COX18: variants seen among roughly 807,000 people sequenced by gnomAD.
COX18 encodes the protein cytochrome c oxidase assembly factor COX18.
Under a neutral mutation model 38.0 loss-of-function variants are expected in COX18, and 45 were observed. That is an observed-to-expected ratio of 1.18 (90% confidence interval 0.93 to 1.52). The LOEUF is 1.52. COX18 is among the 40% of genes most tolerant of loss of function. The probability of loss-of-function intolerance (pLI) is 0.00; values close to 1 mark genes in which losing one functional copy is unlikely to be tolerated. For synonymous variants in COX18, 177 were observed against 169.8 expected (o/e 1.04, Z -0.33); for missense variants, 462 against 423.8 (o/e 1.09, Z -0.79).
chr4:73,068,300 C>T (rs1720573843), intron 1 of COX18, among the ~76,000 whole-genome samples, 171 bp from the exon 2 acceptor site: 1 of 152,158 alleles, frequency 6.6e-6, no homozygotes, highest in Non-Finnish European at 1.5e-5. Context: ...TCCTCAGTCA[C>T]AACCAAATTC....
chr4:73,066,273 A>G (rs1246713408), intron 2 of COX18, among the ~76,000 whole-genome samples: 2 of 152,230 alleles, frequency 1.3e-5, no homozygotes, highest in Non-Finnish European at 2.9e-5. Flanking sequence ...CCAACAAATC[A>G]GACTTCCGCA....
rs1286487744 is a variant in COX18 at position 73,058,272 on chromosome 4, A to G, written c.847T>C (p.Trp283Arg). Residue 283 changes from tryptophan to arginine, a missense_variant, in exon 6 of 6, where the codon TGG becomes CGG. Trp to Arg is a moderately radical substitution (Grantham distance 101). Coordinates refer to ENST00000507544, the MANE Select transcript of COX18 (RefSeq NM_001297732.2). ...AGGCCCACGAAGCTGGAGCATAACC[A>G]GTAGAGAACAATTGACTATAAAGAG... is the stretch of plus-strand genomic sequence containing the variant. Reference protein sequence around the residue: ...ATVPSSIVLYWLCSSFVGLSQ... With the variant: ...ATVPSSIVLYRLCSSFVGLSQ... 2 of 1,608,924 alleles carry G rather than the reference A, an allele frequency of 1.2e-6. No homozygotes were observed. The highest frequency in any genetic ancestry group is 1.7e-6 in the Non-Finnish European group (2 of 1,178,124).
At chr4:73,067,864 A>AAAAAATATATATAT in intron 2 of COX18, among the ~76,000 whole-genome samples, 165 bp downstream of exon 2, 337 of 19,862 alleles carry the variant, frequency 0.017, 43 homozygotes, top group Non-Finnish European at 0.035. Context: ...AAAAAAAAAA[A>AAAAAATATATATAT]ATATATATAT....
chr4:73,065,200 A>G, intron 3 of COX18, 50 bp downstream of exon 3: 1 of 1,217,950 alleles, frequency 8.2e-7, no homozygotes, highest in Non-Finnish European at 1.1e-6. Context: ...TTTTTTTAGT[A>G]CAAAGACAAT....
chr4:73,061,848 C>T lies in COX18; in HGVS notation c.796G>A (p.Val266Met). 3 of 1,613,634 alleles carry T rather than the reference C, an allele frequency of 1.9e-6. No individual in the cohort carries two copies. The highest frequency in any genetic ancestry group is 2.5e-6 in the Non-Finnish European group (3 of 1,179,644). Residue 266 changes from valine to methionine, a missense_variant, in exon 5 of 6, where the codon GTG (valine) becomes ATG (methionine). Val to Met is a conservative substitution (Grantham distance 21). Coordinates refer to ENST00000507544, the MANE Select transcript of COX18 (RefSeq NM_001297732.2). The stretch of plus-strand genomic sequence containing the variant: ...GTTGCAGCAATTGGTATCATCAACA[C>T]CGACATTGCACGGACAAAGTACGTA... ...YITYFVRAMS[V>M]LMIPIAATVP...
chr4:73,067,982 G>A (rs1577958984), intron 2 of COX18, 47 bp downstream of exon 2: 10 of 967,658 alleles, frequency 1.0e-5, no homozygotes, highest in Admixed American at 1.8e-5. Flanking sequence ...GTGTGTGTGT[G>A]TGTGTGTATG....
Position 73,065,365 on chromosome 4 carries a change from C to T in COX18, c.483G>A (p.Val161=). 1 of 1,613,752 alleles carries T rather than the reference C, an allele frequency of 6.2e-7. No individual in the cohort carries two copies. ...NMRRLISELY[V]RDNCHPFKAT... ...CTTTGAAAGGGTGGCAGTTATCTCG[C>T]ACATATAGCTCTGAAATTAGCCTCC... The change falls in exon 3 of 6, where the codon GTG becomes GTA. Residue 161 remains valine, a synonymous_variant. Coordinates refer to ENST00000507544, the MANE Select transcript of COX18 (RefSeq NM_001297732.2).
chr4:73,060,662 CCTG>C (rs1720108770), intron 5 of COX18, among the ~76,000 whole-genome samples: 1 of 152,024 alleles, frequency 6.6e-6, no homozygotes, highest in Non-Finnish European at 1.5e-5. Context: ...GGGTGGATCA[CCTG>C]GGTCAGGAGT....
In COX18 at chr4:73,053,232, C is replaced by G. The variant is rs1719789554; in HGVS notation, c.*4882G>C. 6.6e-6 allele frequency: 1 copy of G among 152,124 alleles called. No individual in the cohort carries two copies. Among genetic ancestry groups the G allele is most frequent in the Non-Finnish European group, 1.5e-5 (1 of 68,048 alleles). 9.4% of individuals were successfully genotyped at this position (152,124 alleles called of 1,614,324 possible). A position where few individuals can be genotyped will look rare whatever the true frequency, so the allele number is the denominator to read the frequency against. ...GATAAATCTAAGCACTGGCAGCCAGCCTTGGTATGTAACAAACCGCACTGC... is the reference window on the plus strand; with the variant it reads ...GATAAATCTAAGCACTGGCAGCCAGGCTTGGTATGTAACAAACCGCACTGC... On this transcript the variant is annotated 3_prime_UTR_variant, in exon 6 of 6. Transcript: ENST00000507544.
In COX18 at chr4:73,064,880, C is replaced by G. The variant is rs1560473909; in HGVS notation, c.621G>C (p.Gln207His). The change falls in exon 4 of 6, where the codon CAG becomes CAC. Residue 207 changes from glutamine to histidine, a missense_variant. Transcript: ENST00000507544. ...HSEAGFSVQE[Q>H]LATGGILWFP... is the part of the protein sequence containing the mutation. ...ACCACAGAATTCCACCAGTAGCTAA[C>G]TGTTCCTGAACAGAAAAACCTGCTA... The G allele has an allele frequency of 6.2e-7, 1 of 1,613,926 alleles. No individual in the cohort carries two copies.
chr4:73,063,430 G>A (rs925521880), intron 4 of COX18, among the ~76,000 whole-genome samples: 3 of 152,178 alleles, frequency 2.0e-5, no homozygotes, highest in Admixed American at 6.5e-5. Context: ...TCTCTCTGTC[G>A]CCCAGGCTAG....
chr4:73,068,843 T>C (rs1450158229), intron 1 of COX18, among the ~76,000 whole-genome samples: 1 of 152,044 alleles, frequency 6.6e-6, no homozygotes, highest in African/African-American at 2.4e-5. Flanking sequence ...CCAGACACAG[T>C]CTTAGTCGGG....
intron 5 of COX18, among the ~76,000 whole-genome samples, chr4:73,059,443 T>C (rs1720045232): frequency 6.6e-6 from 1 of 152,234 alleles, no homozygotes; most frequent in South Asian, 2.1e-4. Flanking sequence ...TGCAAGTATG[T>C]GGTCCACATT....
At chr4:73,067,146 T>C (rs1228571768) in intron 2 of COX18, among the ~76,000 whole-genome samples, 1 of 152,214 alleles carries the variant, frequency 6.6e-6, no homozygotes, top group African/African-American at 2.4e-5. Flanking sequence ...CTGCACAGAA[T>C]AACCACAAAG....
At position 73,064,885 on chromosome 4, in the gene COX18, C is replaced by G; in HGVS notation, c.616G>C (p.Glu206Gln). ...AHSEAGFSVQ[E>Q]QLATGGILWF... ...AGAATTCCACCAGTAGCTAACTGTT[C>G]CTGAACAGAAAAACCTGCTAAAACA... Residue 206 changes from glutamate (E) to glutamine (Q), a missense_variant, in exon 4 of 6, where the codon GAA becomes CAA. Glu to Gln is a conservative substitution (Grantham distance 29, BLOSUM62 2). Coordinates refer to ENST00000507544, the MANE Select transcript of COX18 (RefSeq NM_001297732.2). The G allele has an allele frequency of 6.2e-7, 1 of 1,613,630 alleles. No homozygotes were observed. Among genetic ancestry groups the G allele is most frequent in the Non-Finnish European group, 8.5e-7 (1 of 1,179,758 alleles).
rs1393127063 is a variant in COX18, at chr4:73,055,032, A to G, written c.*3082T>C. 6.6e-6 allele frequency: 1 copy of G among 152,270 alleles called. No homozygotes were observed. Among genetic ancestry groups the G allele is most frequent in the East Asian group, 1.9e-4 (1 of 5,200 alleles). The allele number at this position is 152,270 out of a possible 1,614,324, so 9.4% of individuals were successfully genotyped here. A position where few individuals can be genotyped will look rare whatever the true frequency, so the allele number is the denominator to read the frequency against. On this transcript the variant is annotated 3_prime_UTR_variant, in exon 6 of 6. Coordinates refer to ENST00000507544, the MANE Select transcript of COX18 (RefSeq NM_001297732.2). Reference sequence around the variant, plus strand: ...AGCAAAAGTGACAAACACAATGGGAAAAGGAGACTGATTTCCCTCATGCCA... The same window carrying G: ...AGCAAAAGTGACAAACACAATGGGAGAAGGAGACTGATTTCCCTCATGCCA...
rs947552931 is a variant in COX18 at position 73,069,165 on chromosome 4, G to C, written c.333+152C>G. The C allele has an allele frequency of 1.3e-5, 8 of 609,700 alleles. No individual in the cohort carries two copies. The African/African-American group carries it at 1.5e-4, about 11-fold the overall frequency. The allele number at this position is 609,700 out of a possible 1,614,324, so 37.8% of individuals were successfully genotyped here. ...TAATGCTAGTTCAATTTTTTTTAAC[G>C]CTAAAATGGTCACAATGAAATGGTC... On this transcript the variant is annotated intron_variant, in intron 1 of 5. Transcript: ENST00000507544.
chr4:73,067,592 A>T (rs1332531246), intron 2 of COX18, among the ~76,000 whole-genome samples: 1 of 151,936 alleles, frequency 6.6e-6, no homozygotes, highest in African/African-American at 2.4e-5. Context: ...CTGTAATCCC[A>T]GCACTTTGGG....
Position 73,052,441 on chromosome 4 carries a change from G to A in COX18, c.*5673C>T, listed in dbSNP as rs535032588. On this transcript the variant is annotated 3_prime_UTR_variant, in exon 6 of 6. Coordinates refer to ENST00000507544, the MANE Select transcript of COX18 (RefSeq NM_001297732.2). ...TGTATACACAGTACAGAACCACAGC[G>A]TTCCAGAAACTTTTGGGTAAATAAA... is the stretch of plus-strand genomic sequence containing the variant. 2 of 151,978 alleles carry A rather than the reference G, an allele frequency of 1.3e-5. No homozygotes were observed. The highest frequency in any genetic ancestry group is 1.9e-4 in the East Asian group (1 of 5,186). The allele number at this position is 151,978 out of a possible 1,614,324, so 9.4% of individuals were successfully genotyped here. A position where few individuals can be genotyped will look rare whatever the true frequency, so the allele number is the denominator to read the frequency against.
Sources: allele counts gnomAD v4.1 joint callset (sites outside exome capture counted in the v4.1 genomes callset), GRCh38; gene constraint gnomAD v4.1.1; transcripts MANE v1.5; gene names NCBI Gene and HGNC (gene_info 2026-07-23, HGNC 2026-07-21).